The following TRAF6 variants were observed in gnomAD, a reference collection of about 807,000 sequenced individuals.
The protein encoded by TRAF6 is TNF receptor-associated factor 6.
TRAF6 carries 10 observed loss-of-function variants against 48.4 expected under a neutral mutation model. The observed-to-expected ratio is 0.21, with a 90% CI of 0.13 to 0.35. The LOEUF (loss-of-function observed/expected upper bound fraction) is 0.35, where lower values mean the gene tolerates loss of function less well. TRAF6 is among the 10% of genes least tolerant of loss of function. The probability of loss-of-function intolerance (pLI) is 1.00; values close to 1 mark genes in which losing one functional copy is unlikely to be tolerated. For synonymous variants in TRAF6, 186 were observed against 219.6 expected (o/e 0.85, Z 1.35); for missense variants, 397 against 661.0 (o/e 0.60, Z 4.38).
intron 1 of TRAF6, among the ~76,000 whole-genome samples, chr11:36,508,030 A>T (rs1259164310): frequency 1.3e-5 from 2 of 150,834 alleles, no homozygotes; most frequent in Non-Finnish European, 3.0e-5. Flanking sequence ...TAATTTTTGT[A>T]TTTTTTTGTA....
At chr11:36,499,491 T>C (rs1378390579) in intron 2 of TRAF6, among the ~76,000 whole-genome samples, 1 of 152,122 alleles carries the variant, frequency 6.6e-6, no homozygotes, top group Non-Finnish European at 1.5e-5. Flanking sequence ...TTCATGAACA[T>C]CTTGCTATTA....
intron 1 of TRAF6, among the ~76,000 whole-genome samples, chr11:36,508,910 T>A (rs1437795173): frequency 6.6e-6 from 1 of 152,166 alleles, no homozygotes; most frequent in Non-Finnish European, 1.5e-5. Flanking sequence ...TGCCCAAATT[T>A]ATCACAGAGA....
chr11:36,488,767 G>C lies in TRAF6; in HGVS notation c.*1071C>G, dbSNP rs891004075. The C allele has an allele frequency of 2.0e-5, 3 of 152,076 alleles. No homozygotes were observed. The highest frequency in any genetic ancestry group is 7.2e-5 in the African/African-American group (3 of 41,406). 9.4% of individuals were successfully genotyped at this position (152,076 alleles called of 1,614,324 possible). On this transcript the variant is annotated 3_prime_UTR_variant, in exon 7 of 7. Coordinates refer to ENST00000526995, the MANE Select transcript of TRAF6 (RefSeq NM_004620.4). ...CACTGTGACTTCTAATCCTAGTTTG[G>C]TGACCTCCTAGGTATCTCCAATCAT...
chr11:36,486,428 A>AT lies in TRAF6; in HGVS notation c.*3409_*3410insA, dbSNP rs1197601991. Reference sequence around the variant, plus strand: ...ATACAAGCAATTGTTCCTCTGTAAAAATAATGCATTCTAACTGTATACATA... The same window carrying AT: ...ATACAAGCAATTGTTCCTCTGTAAAATATAATGCATTCTAACTGTATACATA... On this transcript the variant is annotated 3_prime_UTR_variant, in exon 7 of 7. Coordinates refer to ENST00000526995, the MANE Select transcript of TRAF6 (RefSeq NM_004620.4). Among the ~76,000 whole-genome samples the AT allele has an allele frequency of 3.3e-5, 5 of 152,268 alleles. No individual in the cohort carries two copies. Among genetic ancestry groups the AT allele is most frequent in the Non-Finnish European group, 7.4e-5 (5 of 68,024 alleles).
intron 1 of TRAF6, among the ~76,000 whole-genome samples, chr11:36,503,612 C>T (rs995509813): frequency 3.9e-5 from 6 of 151,994 alleles, no homozygotes; most frequent in South Asian, 2.1e-4. Context: ...ACAGTATTCC[C>T]GAAGTTAAAA....
At chr11:36,500,503 A>T (rs560112415) in intron 2 of TRAF6, among the ~76,000 whole-genome samples, 2 of 152,206 alleles carry the variant, frequency 1.3e-5, no homozygotes, top group South Asian at 4.1e-4. Context: ...ACAGGGTCTT[A>T]TAAGGATTTT....
At position 36,489,991 on chromosome 11, in the gene TRAF6, G is replaced by A. The variant is rs1205197107; in HGVS notation, c.1416C>T (p.Gly472=). The A allele has an allele frequency of 6.2e-7, 1 of 1,614,160 alleles. No individual in the cohort carries two copies. Among genetic ancestry groups the A allele is most frequent in the Non-Finnish European group, 8.5e-7 (1 of 1,180,028 alleles). The part of the protein sequence containing the change: ...PTIPRNPKGF[G]YVTFMHLEAL... ...CTTCCAGATGCATAAAAGTTACATA[G>A]CCAAAACCTTTTGGGTTCCGTGGGA... is the stretch of plus-strand genomic sequence containing the variant. The change falls in exon 7 of 7, where the codon GGC becomes GGT. Residue 472 remains glycine (G), a synonymous_variant. Transcript: ENST00000526995.
In TRAF6 at chr11:36,501,477, G is replaced by C. The variant is rs1418472079; in HGVS notation, c.39C>G (p.Ser13Arg). The C allele has an allele frequency of 3.7e-6, 6 of 1,612,216 alleles. No homozygotes were observed. Among genetic ancestry groups the C allele is most frequent in the Non-Finnish European group, 5.1e-6 (6 of 1,178,674 alleles). The change falls in exon 2 of 7, where the codon AGC becomes AGG. Residue 13 changes from serine to arginine, a missense_variant. Around this residue, in one of 4 missense-constraint regions of TRAF6, gnomAD observed 73 missense variants for 87.3 expected, o/e 0.84. Transcript: ENST00000526995. ...LLNCENSCGS[S>R]QSESDCCVAM... is the part of the protein sequence containing the mutation. ...CCACACAGCAGTCACTTTCAGACTG[G>C]CTGGATCCACAGCTGTTTTCACAGT...
At chr11:36,508,913 C>T (rs1859850907) in intron 1 of TRAF6, among the ~76,000 whole-genome samples, 1 of 152,198 alleles carries the variant, frequency 6.6e-6, no homozygotes, top group South Asian at 2.1e-4. Context: ...CCAAATTTAT[C>T]ACAGAGAAGA....
Position 36,486,309 on chromosome 11 carries a change from G to A in TRAF6, c.*3529C>T, listed in dbSNP as rs1859482876. 1.3e-5 allele frequency among the ~76,000 whole-genome samples: 2 copies of A among 152,146 alleles called. No individual in the cohort carries two copies. Among genetic ancestry groups the A allele is most frequent in the South Asian group, 4.1e-4 (2 of 4,836 alleles). On this transcript the variant is annotated 3_prime_UTR_variant, in exon 7 of 7. Transcript: ENST00000526995. ...CAGCCTCCACCTCCCAAAGTGCTGG[G>A]ATTATAGGCGTGAGCCACCGTGCCC...
chr11:36,491,614 T>C (rs559817358), intron 6 of TRAF6, among the ~76,000 whole-genome samples: 1 of 152,338 alleles, frequency 6.6e-6, no homozygotes, highest in East Asian at 1.9e-4. Flanking sequence ...CATTTGACAC[T>C]ACTGATCATG....
intron 1 of TRAF6, 43 bp from the exon 2 acceptor site, chr11:36,501,580 C>A: frequency 7.2e-7 from 1 of 1,390,864 alleles, no homozygotes; most frequent in Non-Finnish European, 9.7e-7. Context: ...AAGTAACACA[C>A]ACACTCACAC....
At position 36,501,464 on chromosome 11, in the gene TRAF6, C is replaced by T. The variant is rs1859715084; in HGVS notation, c.52G>A (p.Asp18Asn). 1 of 1,613,552 alleles carries T rather than the reference C, an allele frequency of 6.2e-7. No homozygotes were observed. The highest frequency in any genetic ancestry group is 8.5e-7 in the Non-Finnish European group (1 of 1,179,674). ...NSCGSSQSES[D>N]CCVAMASSCS... ...GAGCTGGCCATGGCCACACAGCAGTCACTTTCAGACTGGCTGGATCCACAG... is the reference window on the plus strand; with the variant it reads ...GAGCTGGCCATGGCCACACAGCAGTTACTTTCAGACTGGCTGGATCCACAG... Residue 18 changes from aspartate (D) to asparagine (N), a missense_variant, in exon 2 of 7, where the codon GAC (aspartate) becomes AAC (asparagine). Physicochemically the swap from Asp to Asn is conservative, Grantham distance 23 (BLOSUM62 1). Transcript: ENST00000526995.
Position 36,485,703 on chromosome 11 carries a change from T to C in TRAF6, c.*4135A>G, listed in dbSNP as rs1859473235. Among the ~76,000 whole-genome samples the C allele has an allele frequency of 6.6e-6, 1 of 152,134 alleles. No homozygotes were observed. The highest frequency in any genetic ancestry group is 6.5e-5 in the Admixed American group (1 of 15,278). On this transcript the variant is annotated 3_prime_UTR_variant, in exon 7 of 7. Coordinates refer to ENST00000526995, the MANE Select transcript of TRAF6 (RefSeq NM_004620.4). The stretch of plus-strand genomic sequence containing the variant: ...TAAAATATTACACACACAAGTGACA[T>C]TTAGTGAAACAACCAGGCACCTCCT...
At position 36,501,219 on chromosome 11, in the gene TRAF6, C is replaced by T; in HGVS notation, c.296+1G>A. 1 of 1,586,394 alleles carries T rather than the reference C, an allele frequency of 6.3e-7. No individual in the cohort carries two copies. The highest frequency in any genetic ancestry group is 8.6e-7 in the Non-Finnish European group (1 of 1,164,500). On this transcript the variant is annotated splice_donor_variant, in intron 2 of 6. Coordinates refer to ENST00000526995, the MANE Select transcript of TRAF6 (RefSeq NM_004620.4). LOFTEE classifies it high-confidence loss of function. ...CACCATTTTTTCTTATGCTCACGTA[C>T]CTTATTGATTTTATGATGCAGGCTT...
In TRAF6 at chr11:36,490,691, G is replaced by A. The variant is rs543576194; in HGVS notation, c.757-41C>T. On this transcript the variant is annotated intron_variant, in intron 6 of 6. Transcript: ENST00000526995. This position sits in a 1 kb window ranked among gnomAD's most constrained non-coding sequence, Gnocchi z 6.4. ...AAGCCTTAGGCTGGGAATAGATACC[G>A]TGAGGAGTAGGAAAAGGACCTGGCC... 47 of 1,550,082 alleles carry A rather than the reference G, an allele frequency of 3.0e-5. No homozygotes were observed. The highest frequency in any genetic ancestry group is 1.7e-4 in the Middle Eastern group (1 of 5,764).
rs1368334216 is a variant in TRAF6 at position 36,486,572 on chromosome 11, A to G, written c.*3266T>C. On this transcript the variant is annotated 3_prime_UTR_variant, in exon 7 of 7. Coordinates refer to ENST00000526995, the MANE Select transcript of TRAF6 (RefSeq NM_004620.4). ...AATAATTAACTGCTAGAGATCGTCC[A>G]GTATCTCTGTATTATTCCATCATTA... Among the ~76,000 whole-genome samples the G allele has an allele frequency of 1.3e-5, 2 of 152,176 alleles. No homozygotes were observed. Among genetic ancestry groups the G allele is most frequent in the East Asian group, 3.8e-4 (2 of 5,200 alleles).
rs944095216 is a variant in TRAF6, at chr11:36,497,881, T to G, written c.447+609A>C. Among the ~76,000 whole-genome samples, 140 of 151,612 alleles carry G rather than the reference T, an allele frequency of 9.2e-4. 5 individuals are homozygous for G. Among genetic ancestry groups the G allele is most frequent in the Non-Finnish European group, 1.8e-4 (12 of 67,922 alleles). ...AATTGCAAGATTAAAATGTGACACTTGTATTTTTTTTTTTTTTTTTTGAGG... is the reference window on the plus strand; with the variant it reads ...AATTGCAAGATTAAAATGTGACACTGGTATTTTTTTTTTTTTTTTTTGAGG... On this transcript the variant is annotated intron_variant, in intron 3 of 6. Transcript: ENST00000526995.
intron 5 of TRAF6, among the ~76,000 whole-genome samples, chr11:36,494,631 A>T (rs1377804739): frequency 9.2e-6 from 1 of 108,538 alleles, no homozygotes; most frequent in Non-Finnish European, 2.0e-5. Context: ...CAGTGTGTAA[A>T]TATATATATA....
Sources: allele counts gnomAD v4.1 joint callset (sites outside exome capture counted in the v4.1 genomes callset), GRCh38; gene constraint gnomAD v4.1.1; regional missense constraint gnomAD v4.1.1; non-coding constraint Gnocchi (gnomAD v3.1); transcripts MANE v1.5; gene names NCBI Gene and HGNC (gene_info 2026-07-23, HGNC 2026-07-21).